Variants in AKAP12 observed in about 807,000 individuals in gnomAD.
AKAP12 encodes the protein A-kinase anchoring protein 12.
AKAP12 carries 32 observed loss-of-function variants against 79.9 expected under a neutral mutation model. The ratio of observed to expected loss-of-function variants is 0.40; its 90% confidence interval spans 0.30 to 0.54. The LOEUF is 0.54. Among genes scored for constraint, AKAP12 ranks in the 20% least tolerant of loss-of-function variants. AKAP12 has a pLI of 0.48. For synonymous variants in AKAP12, 808 were observed against 857.0 expected, an observed-to-expected ratio of 0.94 and a Z score of 1.00; for missense variants, 2,074 against 2,177.0, an observed-to-expected ratio of 0.95 and a Z score of 0.94.
intron 2 of AKAP12, among the ~76,000 whole-genome samples, chr6:151,272,507 A>ATAGC (rs1776206775): frequency 6.6e-6 from 1 of 151,268 alleles, no homozygotes; most frequent in African/African-American, 2.4e-5. Flanking sequence ...AGATAGATAG[A>ATAGC]TAGATAGATA....
chr6:151,345,121 G>A (rs941037276), intron 3 of AKAP12, among the ~76,000 whole-genome samples: 1 of 151,942 alleles, frequency 6.6e-6, no homozygotes, highest in Non-Finnish European at 1.5e-5. Flanking sequence ...TGTCACCCAG[G>A]CTGGAGTGCA....
intron 2 of AKAP12, among the ~76,000 whole-genome samples, chr6:151,297,759 A>G (rs920320039): frequency 6.6e-6 from 1 of 152,042 alleles, no homozygotes; most frequent in East Asian, 1.9e-4. Context: ...ATTTTGTTGG[A>G]TTCCCTTTTC....
rs375814673 is a variant in AKAP12 at position 151,350,549 on chromosome 6, G to A, written c.2158G>A (p.Asp720Asn). 1.9e-6 allele frequency: 3 copies of A among 1,614,052 alleles called. No individual in the cohort carries two copies. The African/African-American group carries it at 4.0e-5, about 22-fold the overall frequency. The stretch of plus-strand genomic sequence containing the variant: ...CCAGAAAGCTGATGAGGCCGGAAAA[G>A]ACAAAGAGACGGGGACAGACGGGAT... ...DHQKADEAGKDKETGTDGILA... is the reference protein window; with the variant it reads ...DHQKADEAGKNKETGTDGILA... Residue 720 changes from aspartate to asparagine, a missense_variant, in exon 4 of 5, where the codon GAC becomes AAC. By Grantham distance (23) the Asp-to-Asn change is conservative (BLOSUM62 1). Coordinates refer to ENST00000402676, the MANE Select transcript of AKAP12 (RefSeq NM_005100.4). The surrounding 1 kb of genome is among the most constrained non-coding windows in gnomAD (Gnocchi z 4.8).
At chr6:151,272,625 T>G (rs1375540786) in intron 2 of AKAP12, among the ~76,000 whole-genome samples, 1 of 152,178 alleles carries the variant, frequency 6.6e-6, no homozygotes, top group Non-Finnish European at 1.5e-5. Flanking sequence ...AACCTCTGCC[T>G]CCTGGGTTTG....
chr6:151,349,955 A>C lies in AKAP12; in HGVS notation c.1564A>C (p.Ser522Arg). 3.7e-6 allele frequency: 6 copies of C among 1,614,206 alleles called. No homozygotes were observed. The highest frequency in any genetic ancestry group is 5.1e-6 in the Non-Finnish European group (6 of 1,180,032). ...QGSPLKKLFT[S>R]TGLKKLSGKK... ...AAGTCCACTAAAGAAGCTTTTTACC[A>C]GCACTGGCTTAAAAAAGCTTTCTGG... Residue 522 changes from serine (S) to arginine (R), a missense_variant, in exon 4 of 5, where the codon AGC becomes CGC. Physicochemically the swap from Ser to Arg is moderately radical, Grantham distance 110 (BLOSUM62 -1). Transcript: ENST00000402676.
chr6:151,261,971 A>T (rs1004523459), intron 2 of AKAP12, among the ~76,000 whole-genome samples: 7 of 151,886 alleles, frequency 4.6e-5, no homozygotes, highest in East Asian at 3.9e-4. Context: ...ATTTTTAAAA[A>T]TTTTTTTTGA....
chr6:151,352,427 A>G lies in AKAP12; in HGVS notation c.4036A>G (p.Thr1346Ala), dbSNP rs760975535. 8.7e-6 allele frequency: 14 copies of G among 1,614,042 alleles called. No individual in the cohort carries two copies. The highest frequency in any genetic ancestry group is 2.7e-5 in the African/African-American group (2 of 74,922). Residue 1346 changes from threonine to alanine, a missense_variant, in exon 4 of 5, where the codon ACA becomes GCA. By Grantham distance (58) the Thr-to-Ala change is moderately conservative. This residue lies in a region of AKAP12 where 614 missense variants were observed against 665.6 expected (regional missense o/e 0.92). Coordinates refer to ENST00000402676, the MANE Select transcript of AKAP12 (RefSeq NM_005100.4). ...EMVVQVEREK[T>A]EAEPTHVNEE... ...GGTAGTTCAAGTCGAAAGGGAGAAAACAGAAGCAGAGCCAACCCATGTGAA... is the reference window on the plus strand; with the variant it reads ...GGTAGTTCAAGTCGAAAGGGAGAAAGCAGAAGCAGAGCCAACCCATGTGAA...
chr6:151,298,573 C>T (rs1475762119), intron 2 of AKAP12, among the ~76,000 whole-genome samples: 4 of 152,068 alleles, frequency 2.6e-5, no homozygotes, highest in Admixed American at 2.6e-4. Flanking sequence ...GCGGGTGGAT[C>T]ACTTAAGGTC....
At chr6:151,250,767 G>C (rs926354293) in intron 2 of AKAP12, among the ~76,000 whole-genome samples, 2 of 151,516 alleles carry the variant, frequency 1.3e-5, no homozygotes, top group Admixed American at 6.6e-5. Context: ...CACCACGCCC[G>C]GCTAATTTTT....
rs142311584 is a variant in AKAP12, at chr6:151,302,667, A to G, written c.163-3080A>G. 5.3e-3 allele frequency among the ~76,000 whole-genome samples: 807 copies of G among 152,288 alleles called. 9 individuals are homozygous for G. The highest frequency in any genetic ancestry group is 0.017 in the African/African-American group (723 of 41,564). On this transcript the variant is annotated intron_variant, in intron 2 of 4. Coordinates refer to ENST00000402676, the MANE Select transcript of AKAP12 (RefSeq NM_005100.4). ...TTCTGGTTCCTAAATAAGAGGCACA[A>G]TTGACCGAAGTTTATTGCATTGAAA...
At position 151,351,176 on chromosome 6, in the gene AKAP12, G is replaced by A; in HGVS notation, c.2785G>A (p.Ala929Thr). 6.2e-7 allele frequency: 1 copy of A among 1,614,234 alleles called. No individual in the cohort carries two copies. The highest frequency in any genetic ancestry group is 8.5e-7 in the Non-Finnish European group (1 of 1,180,056). Residue 929 changes from alanine to threonine, a missense_variant, in exon 4 of 5, where the codon GCC becomes ACC. Ala to Thr is a moderately conservative substitution (Grantham distance 58, BLOSUM62 0). Around this residue, in one of 3 missense-constraint regions of AKAP12, gnomAD observed 1,428 missense variants for 1,451.0 expected, o/e 0.98. Transcript: ENST00000402676. This position sits in a 1 kb window ranked among gnomAD's most constrained non-coding sequence, Gnocchi z 4.4. ...ACCTCTTGAACAAGTAGAAGCTGAAGCCGCACTGTTAACTGAGGAGGTATT... is the reference window on the plus strand; with the variant it reads ...ACCTCTTGAACAAGTAGAAGCTGAAACCGCACTGTTAACTGAGGAGGTATT... ...TEPLEQVEAEAALLTEEVLER... is the reference protein window; with the variant it reads ...TEPLEQVEAETALLTEEVLER...
intron 2 of AKAP12, among the ~76,000 whole-genome samples, chr6:151,267,783 T>A (rs922044361): frequency 6.6e-6 from 1 of 152,206 alleles, no homozygotes; most frequent in Non-Finnish European, 1.5e-5. Flanking sequence ...AGGCTTTTCA[T>A]AGGCAAAAAA....
intron 3 of AKAP12, among the ~76,000 whole-genome samples, chr6:151,313,059 T>A (rs1475555521): frequency 3.3e-5 from 5 of 152,184 alleles, no homozygotes. Context: ...ATCAATTCAT[T>A]TCCTGCTTAA....
At chr6:151,296,244 C>T (rs984357660) in intron 2 of AKAP12, among the ~76,000 whole-genome samples, 52 of 152,260 alleles carry the variant, frequency 3.4e-4, no homozygotes, top group African/African-American at 1.0e-3. Context: ...ATGCCCACCC[C>T]GGGATGCATC....
rs370595379 is a variant in AKAP12 at position 151,249,753 on chromosome 6, T to G, written c.162+9029T>G. ...CCTGTTTATTGATTTCCTTTTACTT[T>G]TAAATTTTTTCTGCTGTGTCTATTT... On this transcript the variant is annotated intron_variant, in intron 2 of 4. Transcript: ENST00000402676. 8.5e-5 allele frequency among the ~76,000 whole-genome samples: 13 copies of G among 152,370 alleles called. No individual in the cohort carries two copies. The South Asian group carries it at 1.7e-3, about 19-fold the overall frequency.
chr6:151,287,619 A>C (rs1363737771), intron 2 of AKAP12, among the ~76,000 whole-genome samples: 2 of 152,224 alleles, frequency 1.3e-5, no homozygotes, highest in Non-Finnish European at 2.9e-5. Context: ...CGTTGGTCGG[A>C]GTATAAATTA....
chr6:151,316,718 C>T (rs940846575), intron 3 of AKAP12, among the ~76,000 whole-genome samples: 3 of 152,176 alleles, frequency 2.0e-5, no homozygotes, highest in Admixed American at 6.5e-5. Flanking sequence ...GCAACCTCCA[C>T]CTCTGGGTTT....
At chr6:151,319,466 TATC>T (rs1209678908) in intron 3 of AKAP12, among the ~76,000 whole-genome samples, 1 of 141,828 alleles carries the variant, frequency 7.1e-6, no homozygotes, top group African/African-American at 2.8e-5. Flanking sequence ...TCTATCTATC[TATC>T]TATCTATCTA....
chr6:151,253,140 A>G (rs546970052), intron 2 of AKAP12, among the ~76,000 whole-genome samples: 39 of 152,224 alleles, frequency 2.6e-4, no homozygotes, highest in Non-Finnish European at 4.9e-4. Context: ...CCTGATATTG[A>G]CCACTTTTAG....
Sources: gnomAD v4.1 joint callset for allele counts (sites outside exome capture counted in the v4.1 genomes callset) on GRCh38, gnomAD v4.1.1 for gene constraint, gnomAD v4.1.1 regional missense constraint, Gnocchi (gnomAD v3.1) non-coding constraint, MANE v1.5 for transcripts, NCBI Gene and HGNC (gene_info 2026-07-23, HGNC 2026-07-21) for gene names.